Variants in IQCJ observed in about 807,000 individuals in gnomAD.
IQCJ encodes the protein IQ motif containing J.
IQCJ carries 9 observed loss-of-function variants against 11.0 expected under a neutral mutation model. That is an observed-to-expected ratio of 0.82 (90% CI 0.49 to 1.43). The LOEUF (loss-of-function observed/expected upper bound fraction) is 1.43, where lower values mean the gene tolerates loss of function less well. Among genes scored for constraint, IQCJ ranks in the 40% most tolerant of loss-of-function variants. IQCJ has a pLI of 0.00. For missense variants in IQCJ, 146 were observed against 133.2 expected, an observed-to-expected ratio of 1.10 and a Z score of -0.47; for synonymous variants, 55 against 51.3, an observed-to-expected ratio of 1.07 and a Z score of -0.31.
At chr3:159,230,549 T>C (rs1044962509) in intron 1 of IQCJ, among the ~76,000 whole-genome samples, 2 of 152,156 alleles carry the variant, frequency 1.3e-5, no homozygotes, top group African/African-American at 4.8e-5. Flanking sequence ...AGTGTAGAAG[T>C]AAGCTTTCCC....
At chr3:159,218,701 A>G (rs1235469645) in intron 1 of IQCJ, among the ~76,000 whole-genome samples, 1 of 152,114 alleles carries the variant, frequency 6.6e-6, no homozygotes, top group Non-Finnish European at 1.5e-5. Flanking sequence ...TCTACTTCAG[A>G]TTTCATTTGG....
At chr3:159,164,543 G>A (rs1256344582) in intron 1 of IQCJ, among the ~76,000 whole-genome samples, 4 of 152,152 alleles carry the variant, frequency 2.6e-5, no homozygotes, top group South Asian at 2.1e-4. Flanking sequence ...CAAGGTGGGC[G>A]GATCACCTGA....
intron 1 of IQCJ, among the ~76,000 whole-genome samples, chr3:159,239,596 G>T (rs1324444745): frequency 6.6e-6 from 1 of 152,086 alleles, no homozygotes; most frequent in African/African-American, 2.4e-5. Flanking sequence ...ATTAACCTTT[G>T]GTTTTTAAGA....
chr3:159,265,283 G>C, downstream of IQCJ: 1 of 1,613,890 alleles, frequency 6.2e-7, no homozygotes, highest in Non-Finnish European at 8.5e-7. Context: ...CTGGGGACAA[G>C]TTGCCTGGTG....
intron 1 of IQCJ, among the ~76,000 whole-genome samples, chr3:159,245,361 C>A (rs1727198814): frequency 6.6e-6 from 1 of 151,644 alleles, no homozygotes; most frequent in African/African-American, 2.4e-5. Context: ...AAAAAAAAGT[C>A]ACACAATTTG....
chr3:159,230,161 C>T (rs967833888), intron 1 of IQCJ, among the ~76,000 whole-genome samples: 4 of 151,914 alleles, frequency 2.6e-5, no homozygotes, highest in African/African-American at 9.7e-5. Context: ...TCTGTTCCTG[C>T]ATTAATTCTC....
At position 159,232,300 on chromosome 3, in the gene IQCJ, G is replaced by C. The variant is rs1016733578; in HGVS notation, c.10-13543G>C. Among the ~76,000 whole-genome samples the C allele has an allele frequency of 1.6e-4, 25 of 152,036 alleles. No homozygotes were observed. In the East Asian group the frequency reaches 4.6e-3, roughly 28 times the overall value. ...AAATTTCCCTCTTAACACTGCTTTA[G>C]CTGTGTCCCAGAGATTCTGGTATGT... On this transcript the variant is annotated intron_variant, in intron 1 of 3. Coordinates refer to ENST00000397832, the MANE Select transcript of IQCJ (RefSeq NM_001042706.3).
At chr3:159,129,100 T>A (rs900726655) in intron 1 of IQCJ, among the ~76,000 whole-genome samples, 2 of 152,190 alleles carry the variant, frequency 1.3e-5, no homozygotes, top group African/African-American at 4.8e-5. Flanking sequence ...ACAACATTGA[T>A]AATTTGGAAA....
At chr3:159,192,731 G>A (rs1723762012) in intron 1 of IQCJ, among the ~76,000 whole-genome samples, 2 of 152,180 alleles carry the variant, frequency 1.3e-5, no homozygotes, top group South Asian at 4.1e-4. Context: ...GGGGAAATGT[G>A]TGTCTTGGTC....
intron 1 of IQCJ, among the ~76,000 whole-genome samples, chr3:159,101,554 A>G (rs1349416583): frequency 1.3e-5 from 2 of 152,172 alleles, no homozygotes; most frequent in Non-Finnish European, 2.9e-5. Context: ...TTTCATTATA[A>G]CGGCAACCTT....
intron 1 of IQCJ, among the ~76,000 whole-genome samples, chr3:159,228,802 CA>C (rs10711050): frequency 0.74 from 105,973 of 142,722 alleles, 38,914 homozygotes; most frequent in African/African-American, 0.84. Flanking sequence ...GACTCCGTCT[CA>C]AAAAAAAAAA....
intron 1 of IQCJ, among the ~76,000 whole-genome samples, chr3:159,130,398 G>A (rs1015463302): frequency 6.6e-6 from 1 of 152,202 alleles, no homozygotes; most frequent in African/African-American, 2.4e-5. Context: ...GTGGAACTGT[G>A]AGCCCACAGT....
chr3:159,125,463 T>A (rs2108149730), intron 1 of IQCJ, among the ~76,000 whole-genome samples: 1 of 152,342 alleles, frequency 6.6e-6, no homozygotes, highest in East Asian at 1.9e-4. Flanking sequence ...TTGATACGAA[T>A]GTCTCAATAT....
chr3:159,242,941 A>G (rs754975441), intron 1 of IQCJ, among the ~76,000 whole-genome samples: 4 of 152,180 alleles, frequency 2.6e-5, no homozygotes, highest in African/African-American at 7.2e-5. Flanking sequence ...ATATATAAAG[A>G]ATTTCTACTG....
At chr3:159,141,846 A>G (rs973714142) in intron 1 of IQCJ, among the ~76,000 whole-genome samples, 8 of 152,178 alleles carry the variant, frequency 5.3e-5, no homozygotes, top group African/African-American at 1.9e-4. Flanking sequence ...ATATTGTCTT[A>G]TTTATCTACT....
intron 1 of IQCJ, among the ~76,000 whole-genome samples, chr3:159,223,646 G>A (rs1725680505): frequency 6.6e-6 from 1 of 152,088 alleles, no homozygotes; most frequent in Non-Finnish European, 1.5e-5. Context: ...TACCATATAT[G>A]TTCCAGCTCT....
At chr3:159,208,274 A>G (rs1724766479) in intron 1 of IQCJ, among the ~76,000 whole-genome samples, 1 of 152,182 alleles carries the variant, frequency 6.6e-6, no homozygotes, top group Non-Finnish European at 1.5e-5. Context: ...CAGCCCAGCC[A>G]GTCCTGTGGA....
At position 159,252,031 on chromosome 3, in the gene IQCJ, C is replaced by T. The variant is rs1472973064; in HGVS notation, c.75-696C>T. 2.6e-5 allele frequency among the ~76,000 whole-genome samples: 4 copies of T among 152,126 alleles called. No homozygotes were observed. The East Asian group carries it at 7.7e-4, about 29-fold the overall frequency. On this transcript the variant is annotated intron_variant, in intron 2 of 3. Transcript: ENST00000397832. ...TTTCATCCACTTCGACCAAATTTCT[C>T]TTTATTTTCTAAAAATATCCTTTGA...
intron 1 of IQCJ, 155 bp downstream of exon 1, chr3:159,069,596 C>A: frequency 2.0e-6 from 2 of 1,001,656 alleles, no homozygotes; most frequent in East Asian, 2.6e-5. Flanking sequence ...GGTCTAGGTG[C>A]GTGTGCATGT....
Sources: gnomAD v4.1 joint callset for allele counts (sites outside exome capture counted in the v4.1 genomes callset) on GRCh38, gnomAD v4.1.1 for gene constraint, MANE v1.5 for transcripts, NCBI Gene and HGNC (gene_info 2026-07-23, HGNC 2026-07-21) for gene names.